PWWP2B: variants seen among roughly 807,000 people sequenced by gnomAD.
PWWP2B encodes PWWP domain containing 2B.
Under a neutral mutation model 15.5 loss-of-function variants are expected in PWWP2B, and 9 were observed. The observed-to-expected ratio is 0.58, with a 90% CI of 0.35 to 1.02. PWWP2B has a LOEUF of 1.02. Ranked by LOEUF, PWWP2B falls within the 50% of genes least tolerant of loss-of-function variation. The pLI, the probability that PWWP2B is intolerant of heterozygous loss-of-function variation, is 0.02. For synonymous variants in PWWP2B, 474 were observed against 403.6 expected (o/e 1.17, Z -2.09); for missense variants, 864 against 865.3 (o/e 1.00, Z 0.02).
At chr10:132,409,488 A>C (rs548454411) in intron 2 of PWWP2B, among the ~76,000 whole-genome samples, 1 of 152,178 alleles carries the variant, frequency 6.6e-6, no homozygotes, top group African/African-American at 2.4e-5. Flanking sequence ...AATGCCACCC[A>C]CACCCCCACC....
chr10:132,403,127 C>T (rs557166444), intron 1 of PWWP2B, among the ~76,000 whole-genome samples: 2 of 152,360 alleles, frequency 1.3e-5, no homozygotes, highest in East Asian at 1.9e-4. Flanking sequence ...ATGCTCCTGC[C>T]GTTGCTAGCC....
rs1397205424 is a variant in PWWP2B at position 132,405,614 on chromosome 10, G to A, written c.1114G>A (p.Gly372Ser). The change falls in exon 2 of 3, where the codon GGC becomes AGC. Residue 372 changes from glycine (G) to serine (S), a missense_variant. Coordinates refer to ENST00000305233, the MANE Select transcript of PWWP2B (RefSeq NM_138499.4). ...CAGCTCGCCGGCGCCCTGTGCGGAC[G>A]GCCCTGCCGGTGGGCTGGCGGACTT... ...RDSSPAPCAD[G>S]PAGGLADLSS... 12 of 1,611,766 alleles carry A rather than the reference G, an allele frequency of 7.4e-6. No homozygotes were observed. The highest frequency in any genetic ancestry group is 6.7e-5 in the East Asian group (3 of 44,870).
At chr10:132,415,381 ACACT>A (rs1052884529) in intron 2 of PWWP2B, among the ~76,000 whole-genome samples, 19 of 146,756 alleles carry the variant, frequency 1.3e-4, no homozygotes, top group East Asian at 4.1e-4. Context: ...CACGTCACTC[ACACT>A]CATTTACTCA....
chr10:132,416,595 G>C (rs1165058955), intron 2 of PWWP2B, among the ~76,000 whole-genome samples: 1 of 152,096 alleles, frequency 6.6e-6, no homozygotes, highest in Non-Finnish European at 1.5e-5. Context: ...CCCACCCTGG[G>C]ATCCCCATGC....
intron 2 of PWWP2B, among the ~76,000 whole-genome samples, chr10:132,414,735 C>T (rs1163923494): frequency 1.3e-5 from 2 of 152,220 alleles, no homozygotes; most frequent in Non-Finnish European, 2.9e-5. Context: ...CTCTAATCCT[C>T]GCAAACATTC....
At position 132,405,149 on chromosome 10, in the gene PWWP2B, G is replaced by T; in HGVS notation, c.649G>T (p.Glu217Ter). The change falls in exon 2 of 3, where the codon GAG becomes TAG. Residue 217 changes from glutamate to a stop codon, truncating the protein, a stop_gained. Transcript: ENST00000305233. LOFTEE classifies it high-confidence loss of function. ...GPDRELRKPEEPENGEPTAAA... is the reference protein window; with the variant it reads ...GPDRELRKPE ...GGACAGGGAGCTCCGCAAGCCGGAG[G>T]AGCCGGAGAACGGCGAGCCCACGGC... 1 of 1,546,514 alleles carries T rather than the reference G, an allele frequency of 6.5e-7. No homozygotes were observed. The highest frequency in any genetic ancestry group is 8.7e-7 in the Non-Finnish European group (1 of 1,145,346).
rs1299214882 is a variant in PWWP2B, at chr10:132,404,644, A to G, written c.144A>G (p.Leu48=). Residue 48 remains leucine (L), a synonymous_variant, in exon 2 of 3, where the codon CTA becomes CTG. Coordinates refer to ENST00000305233, the MANE Select transcript of PWWP2B (RefSeq NM_138499.4). Reference sequence around the variant, plus strand: ...TTGCCAGGTCCGGCCTCTTTGGCCTACCCCCGTTGGCTCCGCTGCCCCAGG... The same window carrying G: ...TTGCCAGGTCCGGCCTCTTTGGCCTGCCCCCGTTGGCTCCGCTGCCCCAGG... ...DCTKKSGLFG[L]PPLAPLPQVD... 1 of 1,612,084 alleles carries G rather than the reference A, an allele frequency of 6.2e-7. No homozygotes were observed. The highest frequency in any genetic ancestry group is 1.3e-5 in the African/African-American group (1 of 74,688).
At chr10:132,407,855 G>A (rs1010714467) in intron 2 of PWWP2B, among the ~76,000 whole-genome samples, 4 of 152,198 alleles carry the variant, frequency 2.6e-5, no homozygotes, top group East Asian at 1.9e-4. Flanking sequence ...CTGAGGGGTA[G>A]GAGGAGGGTC....
In PWWP2B at chr10:132,397,357, CG is replaced by C. The variant is rs2069551133; in HGVS notation, c.125+11del. 1.5e-6 allele frequency: 2 copies of C among 1,324,600 alleles called. No individual in the cohort carries two copies. The highest frequency in any genetic ancestry group is 3.1e-5 in the Admixed American group (1 of 32,594). 82.1% of individuals were successfully genotyped at this position (1,324,600 alleles called of 1,614,324 possible). On this transcript the variant is annotated splice_region_variant and intron_variant, in intron 1 of 2. Coordinates refer to ENST00000305233, the MANE Select transcript of PWWP2B (RefSeq NM_138499.4). ...CTGCTGGACTGCACGAAAAAGTGAG[CG>C]GGGGCGCGGGCCGGGACACCCCCGG...
chr10:132,399,413 A>G (rs1307298009), intron 1 of PWWP2B, among the ~76,000 whole-genome samples: 2 of 152,242 alleles, frequency 1.3e-5, no homozygotes, highest in Non-Finnish European at 2.9e-5. Flanking sequence ...CCGCTCACAC[A>G]GGCGCCGGGA....
At chr10:132,416,387 G>A in intron 2 of PWWP2B, among the ~76,000 whole-genome samples, 1 of 152,296 alleles carries the variant, frequency 6.6e-6, no homozygotes, top group African/African-American at 2.4e-5. Flanking sequence ...GATTTAGGGG[G>A]CTGCTCTCTT....
chr10:132,405,134 C>A lies in PWWP2B; in HGVS notation c.634C>A (p.Leu212Ile). The change falls in exon 2 of 3, where the codon CTC becomes ATC. Residue 212 changes from leucine (L) to isoleucine (I), a missense_variant. By Grantham distance (5) the Leu-to-Ile change is conservative. Around this residue, in one of 2 missense-constraint regions of PWWP2B, gnomAD observed 736 missense variants for 687.7 expected, o/e 1.07. Coordinates refer to ENST00000305233, the MANE Select transcript of PWWP2B (RefSeq NM_138499.4). Reference protein sequence around the residue: ...RRLGSGPDRELRKPEEPENGE... With the variant: ...RRLGSGPDREIRKPEEPENGE... ...GCTGGGCAGCGGCCCGGACAGGGAG[C>A]TCCGCAAGCCGGAGGAGCCGGAGAA... 6.5e-7 allele frequency: 1 copy of A among 1,543,756 alleles called. No individual in the cohort carries two copies. The highest frequency in any genetic ancestry group is 1.2e-5 in the South Asian group (1 of 83,914).
chr10:132,417,375 C>G lies in PWWP2B; in HGVS notation c.*331C>G, dbSNP rs1475184960. On this transcript the variant is annotated 3_prime_UTR_variant, in exon 3 of 3. Transcript: ENST00000305233. ...GGGTTCCATGGAGGAACTGGGCCTG[C>G]CGCCCCGGCCTCACCTGCTGCCCGC... 2.1e-6 allele frequency: 1 copy of G among 466,004 alleles called. No individual in the cohort carries two copies. The highest frequency in any genetic ancestry group is 2.7e-5 in the South Asian group (1 of 36,822). 28.9% of individuals were successfully genotyped at this position (466,004 alleles called of 1,614,324 possible). A position where few individuals can be genotyped will look rare whatever the true frequency, so the allele number is the denominator to read the frequency against.
At chr10:132,411,840 C>T (rs1198741136) in intron 2 of PWWP2B, among the ~76,000 whole-genome samples, 2 of 152,216 alleles carry the variant, frequency 1.3e-5, no homozygotes, top group Admixed American at 1.3e-4. Context: ...CCTTGAGCTT[C>T]CTGCACAAAA....
chr10:132,417,398 C>T lies in PWWP2B; in HGVS notation c.*354C>T, dbSNP rs373925919. On this transcript the variant is annotated 3_prime_UTR_variant, in exon 3 of 3. Coordinates refer to ENST00000305233, the MANE Select transcript of PWWP2B (RefSeq NM_138499.4). Reference sequence around the variant, plus strand: ...TGCCGCCCCGGCCTCACCTGCTGCCCGCATGCTGGGGTCCCATGGAGGAAC... The same window carrying T: ...TGCCGCCCCGGCCTCACCTGCTGCCTGCATGCTGGGGTCCCATGGAGGAAC... 87 of 418,704 alleles carry T rather than the reference C, an allele frequency of 2.1e-4. No homozygotes were observed. The highest frequency in any genetic ancestry group is 1.5e-3 in the African/African-American group (75 of 48,660). The allele number at this position is 418,704 out of a possible 1,614,324, so 25.9% of individuals were successfully genotyped here.
chr10:132,405,575 G>A lies in PWWP2B; in HGVS notation c.1075G>A (p.Gly359Arg), dbSNP rs778025926. The change falls in exon 2 of 3, where the codon GGG becomes AGG. Residue 359 changes from glycine (G) to arginine (R), a missense_variant. Gly to Arg is a moderately radical substitution (Grantham distance 125). Around this residue, in one of 2 missense-constraint regions of PWWP2B, gnomAD observed 736 missense variants for 687.7 expected, o/e 1.07. Transcript: ENST00000305233. ...YRAELVGELNGYLRDSSPAPC... is the reference protein window; with the variant it reads ...YRAELVGELNRYLRDSSPAPC... ...GGCCGAGCTGGTGGGGGAGCTGAAC[G>A]GGTACCTGCGGGACAGCTCGCCGGC... is the stretch of plus-strand genomic sequence containing the variant. 14 of 1,608,276 alleles carry A rather than the reference G, an allele frequency of 8.7e-6. 1 individual carries two copies. In the South Asian group the frequency reaches 1.1e-4, roughly 13 times the overall value.
chr10:132,402,346 G>T (rs2069625572), intron 1 of PWWP2B, among the ~76,000 whole-genome samples: 1 of 152,240 alleles, frequency 6.6e-6, no homozygotes, highest in South Asian at 2.1e-4. Flanking sequence ...CCTCTGGCAG[G>T]GATGCTTCTG....
chr10:132,412,857 C>T (rs1486508923), intron 2 of PWWP2B, among the ~76,000 whole-genome samples: 1 of 152,238 alleles, frequency 6.6e-6, no homozygotes, highest in African/African-American at 2.4e-5. Context: ...GTGTGTGTCT[C>T]GTGAAAGCGC....
chr10:132,403,587 C>T (rs543253482), intron 1 of PWWP2B, among the ~76,000 whole-genome samples: 35 of 152,338 alleles, frequency 2.3e-4, no homozygotes, highest in African/African-American at 8.4e-4. Context: ...CAGCCAGGTG[C>T]CCGTGCAGCG....
Sources: allele counts gnomAD v4.1 joint callset (sites outside exome capture counted in the v4.1 genomes callset), GRCh38; gene constraint gnomAD v4.1.1; regional missense constraint gnomAD v4.1.1; transcripts MANE v1.5; gene names NCBI Gene and HGNC (gene_info 2026-07-23, HGNC 2026-07-21).